Variants in PDE1C observed in about 807,000 individuals in gnomAD.
The protein encoded by PDE1C is dual specificity calcium/calmodulin-dependent 3',5'-cyclic nucleotide phosphodiesterase 1C.
PDE1C carries 62 observed loss-of-function variants against 93.1 expected under a neutral mutation model. The observed-to-expected ratio is 0.67, with a 90% CI of 0.54 to 0.82. The LOEUF (loss-of-function observed/expected upper bound fraction) is 0.82. PDE1C is among the 40% of genes least tolerant of loss of function. The probability of loss-of-function intolerance (pLI) is 0.00; values close to 1 mark genes in which losing one functional copy is unlikely to be tolerated. For synonymous variants in PDE1C, 325 were observed against 310.1 expected, an observed-to-expected ratio of 1.05 and a Z score of -0.50; for missense variants, 742 against 884.6, an observed-to-expected ratio of 0.84 and a Z score of 2.04.
chr7:32,206,217 G>C (rs1479980500), intron 2 of PDE1C, among the ~76,000 whole-genome samples: 1 of 152,210 alleles, frequency 6.6e-6, no homozygotes, highest in East Asian at 1.9e-4. Context: ...TATTCTGGGG[G>C]GATTTGGGGA....
intron 1 of PDE1C, among the ~76,000 whole-genome samples, chr7:32,276,276 A>G (rs766897460): frequency 6.6e-6 from 1 of 152,248 alleles, no homozygotes; most frequent in Non-Finnish European, 1.5e-5. Context: ...AGAAATAGGT[A>G]TTAGAAGTGA....
At chr7:31,647,597 C>T in the PDE1C span, among the ~76,000 whole-genome samples, 2 of 149,570 alleles carry the variant, frequency 1.3e-5, no homozygotes, top group East Asian at 2.0e-4. Context: ...TCACTTGAAC[C>T]TGGGAGGCGG....
chr7:31,880,823 C>T lies in PDE1C; in HGVS notation c.166G>A (p.Ala56Thr), dbSNP rs377324884. The T allele has an allele frequency of 2.5e-6, 4 of 1,611,176 alleles. No homozygotes were observed. Among genetic ancestry groups the T allele is most frequent in the Middle Eastern group, 1.6e-4 (1 of 6,068 alleles). ...TTCTTCTTAAGATCTACCACTGAAG[C>T]TTCCCCTCTCTCTAATTGTTTGACC... Reference protein sequence around the residue: ...SLVKQLERGEASVVDLKKNLE... With the variant: ...SLVKQLERGETSVVDLKKNLE... Residue 56 changes from alanine to threonine, a missense_variant, in exon 3 of 18, where the codon GCT (alanine) becomes ACT (threonine). Around this residue, in one of 4 missense-constraint regions of PDE1C, gnomAD observed 74 missense variants for 88.2 expected, o/e 0.84. Transcript: ENST00000396191.
intron 1 of PDE1C, among the ~76,000 whole-genome samples, chr7:32,059,960 G>A (rs78477769): frequency 1.1e-4 from 17 of 152,088 alleles, no homozygotes; most frequent in African/African-American, 3.6e-4. Flanking sequence ...CAATTTTTAC[G>A]ACCTTCTTCC....
At chr7:31,774,881 T>C (rs548805562) in intron 17 of PDE1C, among the ~76,000 whole-genome samples, 3 of 152,326 alleles carry the variant, frequency 2.0e-5, no homozygotes, top group South Asian at 4.1e-4. Context: ...TTCCTTCTTA[T>C]GTTTATCATT....
intron 1 of PDE1C, among the ~76,000 whole-genome samples, chr7:32,355,988 T>G (rs1339350497): frequency 6.6e-6 from 1 of 152,254 alleles, no homozygotes; most frequent in African/African-American, 2.4e-5. Context: ...CACTGGGATG[T>G]GTTCCTCATT....
At chr7:32,093,290 T>C (rs1443072817) in intron 3 of PDE1C, among the ~76,000 whole-genome samples, 3 of 152,172 alleles carry the variant, frequency 2.0e-5, no homozygotes, top group African/African-American at 7.2e-5. Context: ...TAATCCCCAT[T>C]TTCCCAAACA....
At chr7:31,901,658 TC>T (rs1237255333) in intron 2 of PDE1C, among the ~76,000 whole-genome samples, 1 of 151,264 alleles carries the variant, frequency 6.6e-6, no homozygotes, top group Non-Finnish European at 1.5e-5. Flanking sequence ...CCAAGTAATT[TC>T]TAAACAAAAA....
the PDE1C span, among the ~76,000 whole-genome samples, chr7:31,716,599 G>C: frequency 2.0e-5 from 3 of 152,164 alleles, no homozygotes; most frequent in Non-Finnish European, 4.4e-5. Flanking sequence ...ACATGTAACT[G>C]TTTCCAGAGT....
At chr7:31,637,952 G>GA in the PDE1C span, among the ~76,000 whole-genome samples, 1 of 152,060 alleles carries the variant, frequency 6.6e-6, no homozygotes, top group South Asian at 2.1e-4. Context: ...GCTTTCTACA[G>GA]ATGGCTAGCC....
intron 17 of PDE1C, 143 bp from the exon 18 acceptor site, chr7:31,753,696 C>T: frequency 1.6e-6 from 2 of 1,247,260 alleles, no homozygotes; most frequent in South Asian, 3.6e-5. Flanking sequence ...CCCTGGAAAC[C>T]TTATGGCAGA....
At chr7:32,009,761 C>A (rs1280775147) in intron 2 of PDE1C, among the ~76,000 whole-genome samples, 1 of 152,140 alleles carries the variant, frequency 6.6e-6, no homozygotes, top group African/African-American at 2.4e-5. Context: ...TATTTACAAA[C>A]AACATGACAT....
intron 1 of PDE1C, 117 bp from the exon 2 acceptor site, chr7:32,051,697 T>C (rs972729024): frequency 1.2e-5 from 10 of 802,480 alleles, no homozygotes; most frequent in Non-Finnish European, 2.2e-5. Context: ...GGGGTTTCTC[T>C]GTGAAGCTTA....
intron 1 of PDE1C, among the ~76,000 whole-genome samples, chr7:32,325,643 A>G (rs1402510274): frequency 6.6e-6 from 1 of 152,236 alleles, no homozygotes; most frequent in Non-Finnish European, 1.5e-5. Context: ...CTAAGCACCT[A>G]GAAAAGCACT....
intron 2 of PDE1C, among the ~76,000 whole-genome samples, chr7:31,998,278 C>T (rs188989718): frequency 6.6e-6 from 1 of 152,282 alleles, no homozygotes; most frequent in East Asian, 1.9e-4. Flanking sequence ...CTTGGCCTCC[C>T]AAAGTGCTGG....
chr7:31,820,623 C>G (rs1297468733), intron 14 of PDE1C: 1 of 152,070 alleles, frequency 6.6e-6, no homozygotes, highest in Non-Finnish European at 1.5e-5. Flanking sequence ...CGGAGGACAG[C>G]CTTTCTTGAA....
chr7:32,421,337 T>C (rs947696887), intron 1 of PDE1C, among the ~76,000 whole-genome samples: 1 of 152,190 alleles, frequency 6.6e-6, no homozygotes, highest in African/African-American at 2.4e-5. Context: ...TATTGTTTAA[T>C]TTCCATGGAA....
chr7:31,841,069 C>A (rs1282118543), intron 9 of PDE1C, among the ~76,000 whole-genome samples: 1 of 151,946 alleles, frequency 6.6e-6, no homozygotes, highest in Non-Finnish European at 1.5e-5. Flanking sequence ...CTATAATCAG[C>A]AATACTACAT....
intron 3 of PDE1C, among the ~76,000 whole-genome samples, chr7:32,168,882 A>G (rs1435618355): frequency 1.3e-5 from 2 of 152,186 alleles, no homozygotes; most frequent in Non-Finnish European, 2.9e-5. Flanking sequence ...TTTTTCAAAT[A>G]TATTTCATGG....
Sources: allele counts gnomAD v4.1 joint callset (sites outside exome capture counted in the v4.1 genomes callset), GRCh38; gene constraint gnomAD v4.1.1; regional missense constraint gnomAD v4.1.1; transcripts MANE v1.5; gene names NCBI Gene and HGNC (gene_info 2026-07-23, HGNC 2026-07-21).